CRAMP1: variants seen among roughly 807,000 people sequenced by gnomAD.
The protein encoded by CRAMP1 is protein cramped-like.
CRAMP1 carries 50 observed loss-of-function variants against 115.4 expected under a neutral mutation model. The observed-to-expected ratio is 0.43, with a 90% CI of 0.35 to 0.55. The LOEUF (loss-of-function observed/expected upper bound fraction) is 0.55. Among genes scored for constraint, CRAMP1 ranks in the 20% least tolerant of loss-of-function variants. The pLI, the probability that CRAMP1 is intolerant of heterozygous loss-of-function variation, is 0.01. For missense variants in CRAMP1, 1,679 were observed against 1,721.7 expected, an observed-to-expected ratio of 0.98 and a Z score of 0.44; for synonymous variants, 866 against 745.4, an observed-to-expected ratio of 1.16 and a Z score of -2.64.
chr16:1,667,036 G>A (rs966731419), intron 16 of CRAMP1, among the ~76,000 whole-genome samples: 16 of 152,182 alleles, frequency 1.1e-4, no homozygotes, highest in African/African-American at 3.9e-4. Flanking sequence ...CCCAAGGAGG[G>A]TGGGGTGGGC....
chr16:1,615,005 TG>T lies in CRAMP1; in HGVS notation c.346+23del. 1 of 1,225,720 alleles carries T rather than the reference TG, an allele frequency of 8.2e-7. No homozygotes were observed. 75.9% of individuals were successfully genotyped at this position (1,225,720 alleles called of 1,614,324 possible). On this transcript the variant is annotated intron_variant, in intron 2 of 20. Transcript: ENST00000397412. Reference sequence around the variant, plus strand: ...GAAAAGGTAGGGCGGCCCGTCCCCTTGGGAGACCCCAGCCCCTCTCCGGGGT... The same window carrying T: ...GAAAAGGTAGGGCGGCCCGTCCCCTTGGAGACCCCAGCCCCTCTCCGGGGT...
At chr16:1,661,647 G>A (rs1315385047) in intron 11 of CRAMP1, among the ~76,000 whole-genome samples, 1 of 149,940 alleles carries the variant, frequency 6.7e-6, no homozygotes, top group African/African-American at 2.5e-5. Flanking sequence ...CCAGGCTGGA[G>A]TGCAGTGGCG....
Position 1,674,039 on chromosome 16 carries a change from C to T in CRAMP1, c.3804C>T (p.Ser1268=). 1 of 1,611,810 alleles carries T rather than the reference C, an allele frequency of 6.2e-7. No individual in the cohort carries two copies. The highest frequency in any genetic ancestry group is 1.1e-5 in the South Asian group (1 of 90,948). The part of the protein sequence containing the change: ...GGGGPAVSDL[S]Q The stretch of plus-strand genomic sequence containing the variant: ...GCGGCCCCGCTGTCAGTGACCTGTC[C>T]CAGTGACCACACGTCCTGGTGGCGG... Residue 1268 remains serine, a synonymous_variant, in exon 21 of 21, where the codon TCC becomes TCT. Coordinates refer to ENST00000397412, the MANE Select transcript of CRAMP1 (RefSeq NM_020825.4).
At chr16:1,635,378 C>G (rs1190229401) in intron 4 of CRAMP1, among the ~76,000 whole-genome samples, 6 of 152,228 alleles carry the variant, frequency 3.9e-5, no homozygotes, top group Non-Finnish European at 8.8e-5. Flanking sequence ...CCATGCACAT[C>G]TGCGTTTCCT....
chr16:1,634,119 C>T (rs2036568030), intron 4 of CRAMP1, among the ~76,000 whole-genome samples: 1 of 151,944 alleles, frequency 6.6e-6, no homozygotes, highest in African/African-American at 2.4e-5. Context: ...GGAAGCTGGC[C>T]AGCAGCGGAG....
rs957314227 is a variant in CRAMP1, at chr16:1,672,662, T to G, written c.3646-1219T>G. On this transcript the variant is annotated intron_variant, in intron 20 of 20. Coordinates refer to ENST00000397412, the MANE Select transcript of CRAMP1 (RefSeq NM_020825.4). The surrounding 1 kb of genome is among the most constrained non-coding windows in gnomAD (Gnocchi z 4.9). ...TTTTCCAGACTTCTTGCATTCACAG[T>G]GTCATGCAGTTCATTAAGGGATATT... 6.6e-6 allele frequency among the ~76,000 whole-genome samples: 1 copy of G among 152,246 alleles called. No homozygotes were observed. The highest frequency in any genetic ancestry group is 1.5e-5 in the Non-Finnish European group (1 of 68,052).
intron 2 of CRAMP1, among the ~76,000 whole-genome samples, chr16:1,623,464 G>C (rs2036482373): frequency 6.6e-6 from 1 of 152,246 alleles, no homozygotes; most frequent in Non-Finnish European, 1.5e-5. Context: ...GATTTAGCAA[G>C]ACATGTGGAT....
rs552685037 is a variant in CRAMP1, at chr16:1,669,494, G to A, written c.3499+329G>A. 3.3e-5 allele frequency among the ~76,000 whole-genome samples: 5 copies of A among 152,272 alleles called. No individual in the cohort carries two copies. Among genetic ancestry groups the A allele is most frequent in the African/African-American group, 9.6e-5 (4 of 41,554 alleles). On this transcript the variant is annotated intron_variant, in intron 19 of 20. Coordinates refer to ENST00000397412, the MANE Select transcript of CRAMP1 (RefSeq NM_020825.4). This position sits in a 1 kb window ranked among gnomAD's most constrained non-coding sequence, Gnocchi z 4.6. ...CTGTTCAGCTAGCCCGGCCCCTCCC[G>A]ACTGGGTTCTCTTGAGGGGAGAAAA...
chr16:1,673,774 C>A, intron 20 of CRAMP1, 107 bp from the exon 21 acceptor site: 1 of 1,023,108 alleles, frequency 9.8e-7, no homozygotes, highest in Non-Finnish European at 1.5e-6. Context: ...GCTTAGCTTC[C>A]TGCAGCGGGA....
At position 1,656,125 on chromosome 16, in the gene CRAMP1, G is replaced by A. The variant is rs376650930; in HGVS notation, c.1368G>A (p.Thr456=). The A allele has an allele frequency of 8.3e-4, 1,334 of 1,608,592 alleles. No individual in the cohort carries two copies. Among genetic ancestry groups the A allele is most frequent in the Non-Finnish European group, 1.1e-3 (1,266 of 1,178,266 alleles). The change falls in exon 10 of 21, where the codon ACG becomes ACA. Residue 456 remains threonine, a synonymous_variant. Transcript: ENST00000397412. The surrounding 1 kb of genome is among the most constrained non-coding windows in gnomAD (Gnocchi z 5.6). Reference sequence around the variant, plus strand: ...TGGGCATCCAGAGTGGGCAGGGCACGGCCCGGGGCCAGGTGAAATGCCCGC... The same window carrying A: ...TGGGCATCCAGAGTGGGCAGGGCACAGCCCGGGGCCAGGTGAAATGCCCGC... ...QILGIQSGQG[T]ARGQVKCPRS... is the part of the protein sequence containing the mutation.
rs1272377755 is a variant in CRAMP1 at position 1,666,529 on chromosome 16, G to A, written c.2965G>A (p.Val989Met). Residue 989 changes from valine (V) to methionine (M), a missense_variant, in exon 16 of 21, where the codon GTG (valine) becomes ATG (methionine). This residue lies in a region of CRAMP1 where 709 missense variants were observed against 741.9 expected (regional missense o/e 0.96). Transcript: ENST00000397412. The surrounding 1 kb of genome is among the most constrained non-coding windows in gnomAD (Gnocchi z 5.0). ...SGISPLSSDEVTGAISGQDST... is the reference protein window; with the variant it reads ...SGISPLSSDEMTGAISGQDST... The stretch of plus-strand genomic sequence containing the variant: ...CATCTCTCCACTGTCTTCAGACGAG[G>A]TGACGGGTGCCATCTCGGGGCAGGA... The A allele has an allele frequency of 1.9e-6, 3 of 1,613,796 alleles. No homozygotes were observed. Among genetic ancestry groups the A allele is most frequent in the Non-Finnish European group, 2.5e-6 (3 of 1,179,828 alleles).
intron 4 of CRAMP1, among the ~76,000 whole-genome samples, chr16:1,635,172 A>C (rs1161728292): frequency 6.6e-6 from 1 of 152,198 alleles, no homozygotes; most frequent in Non-Finnish European, 1.5e-5. Flanking sequence ...TGCAAGGATT[A>C]CAGGCGTGAG....
chr16:1,657,956 A>G (rs2036790245), intron 10 of CRAMP1, among the ~76,000 whole-genome samples: 1 of 152,170 alleles, frequency 6.6e-6, no homozygotes, highest in African/African-American at 2.4e-5. Flanking sequence ...TGAGGCTCAC[A>G]TGTCCCTGTG....
Position 1,668,268 on chromosome 16 carries a change from C to A in CRAMP1, c.3334+75C>A, listed in dbSNP as rs945218555. ...CCTGCCCCAATGTTTGCCACACTTCCTGGGGATATTCCAGTTTTGTGATTT... is the reference window on the plus strand; with the variant it reads ...CCTGCCCCAATGTTTGCCACACTTCATGGGGATATTCCAGTTTTGTGATTT... On this transcript the variant is annotated intron_variant, in intron 18 of 20. Coordinates refer to ENST00000397412, the MANE Select transcript of CRAMP1 (RefSeq NM_020825.4). The A allele has an allele frequency of 1.9e-5, 21 of 1,096,074 alleles. No homozygotes were observed. In the Admixed American group the frequency reaches 3.7e-4, roughly 19 times the overall value. 67.9% of individuals were successfully genotyped at this position (1,096,074 alleles called of 1,614,324 possible).
intron 6 of CRAMP1, among the ~76,000 whole-genome samples, chr16:1,644,094 T>C (rs2036654698): frequency 6.6e-6 from 1 of 152,204 alleles, no homozygotes; most frequent in African/African-American, 2.4e-5. Context: ...CCAAGGATTT[T>C]GGCAAATGGC....
At chr16:1,662,156 T>G (rs1377237381) in intron 11 of CRAMP1, among the ~76,000 whole-genome samples, 2 of 152,176 alleles carry the variant, frequency 1.3e-5, no homozygotes. Flanking sequence ...TTGACTGACT[T>G]CTGGTCTCCC....
In CRAMP1 at chr16:1,656,274, C is replaced by G. The variant is rs200270407; in HGVS notation, c.1517C>G (p.Pro506Arg). The G allele has an allele frequency of 6.2e-7, 1 of 1,611,698 alleles. No homozygotes were observed. The highest frequency in any genetic ancestry group is 1.3e-5 in the African/African-American group (1 of 75,038). Residue 506 changes from proline (P) to arginine (R), a missense_variant, in exon 10 of 21, where the codon CCG (proline) becomes CGG (arginine). By Grantham distance (103) the Pro-to-Arg change is moderately radical. This residue lies in a region of CRAMP1 where 405 missense variants were observed against 302.6 expected (regional missense o/e 1.34). Transcript: ENST00000397412. The surrounding 1 kb of genome is among the most constrained non-coding windows in gnomAD (Gnocchi z 5.6). ...GGGGCTGCCCTAAGCTTGAGCAGCC[C>G]GGACGCTCCTGACAGGCCTCCTCCC... ...GEGAALSLSS[P>R]DAPDRPPPRH... is the part of the protein sequence containing the mutation.
chr16:1,641,911 T>A (rs1337943043), intron 6 of CRAMP1, among the ~76,000 whole-genome samples: 1 of 148,518 alleles, frequency 6.7e-6, no homozygotes, highest in Non-Finnish European at 1.5e-5. Flanking sequence ...TGGGGGGGGG[T>A]CCCCGTTCCA....
chr16:1,664,890 G>A (rs568096090), intron 13 of CRAMP1, among the ~76,000 whole-genome samples, 167 bp from the exon 14 acceptor site: 39 of 152,230 alleles, frequency 2.6e-4, no homozygotes, highest in African/African-American at 7.7e-4. Context: ...GGGGTACATG[G>A]GTCCTAACTG....
Sources: allele counts gnomAD v4.1 joint callset (sites outside exome capture counted in the v4.1 genomes callset), GRCh38; gene constraint gnomAD v4.1.1; regional missense constraint gnomAD v4.1.1; non-coding constraint Gnocchi (gnomAD v3.1); transcripts MANE v1.5; gene names NCBI Gene and HGNC (gene_info 2026-07-23, HGNC 2026-07-21).